Variants in ST8SIA5 observed in about 807,000 individuals in gnomAD.
ST8SIA5 encodes alpha-2,8-sialyltransferase 8E.
In ST8SIA5, 24 loss-of-function variants were observed where a neutral mutation model predicts 40.2. The observed-to-expected ratio is 0.60, with a 90% confidence interval of 0.43 to 0.84. The LOEUF is 0.84. Ranked by LOEUF, ST8SIA5 falls within the 40% of genes least tolerant of loss-of-function variation. The pLI, the probability that ST8SIA5 is intolerant of heterozygous loss-of-function variation, is 0.00. For synonymous variants in ST8SIA5, 198 were observed against 201.8 expected, an observed-to-expected ratio of 0.98 and a Z score of 0.16; for missense variants, 465 against 498.5, an observed-to-expected ratio of 0.93 and a Z score of 0.64.
chr18:46,748,555 C>A (rs1391296659), intron 1 of ST8SIA5, among the ~76,000 whole-genome samples: 918 of 78,086 alleles, frequency 0.012, 1 homozygote, highest in South Asian at 0.023. Flanking sequence ...AACTTCCTCT[C>A]AAAAAAAAAA....
intron 1 of ST8SIA5, among the ~76,000 whole-genome samples, chr18:46,728,725 A>C (rs9955817): frequency 6.6e-6 from 1 of 152,120 alleles, no homozygotes; most frequent in African/African-American, 2.4e-5. Flanking sequence ...AGGCCCCCCC[A>C]CATGCTCTGG....
chr18:46,745,364 A>G (rs1050490117), intron 1 of ST8SIA5, among the ~76,000 whole-genome samples: 3 of 152,242 alleles, frequency 2.0e-5, no homozygotes, highest in African/African-American at 7.2e-5. Flanking sequence ...AATAGATGCA[A>G]TAAAAAATGA....
intron 1 of ST8SIA5, among the ~76,000 whole-genome samples, chr18:46,704,898 C>T (rs1190761566): frequency 6.6e-6 from 1 of 152,182 alleles, no homozygotes; most frequent in Admixed American, 6.5e-5. Flanking sequence ...TAGGCATTTA[C>T]AGAGGCATAA....
rs2039350957 is a variant in ST8SIA5 at position 46,677,944 on chromosome 18, G to C, written c.*2098C>G. ...TGCTCTGGGCCTGTTTCCTAAAGTG[G>C]AACAAAATGGTCTTTAAGAACCTTC... On this transcript the variant is annotated 3_prime_UTR_variant, in exon 7 of 7. Coordinates refer to ENST00000315087, the MANE Select transcript of ST8SIA5 (RefSeq NM_013305.6). 6.6e-6 allele frequency: 1 copy of C among 152,226 alleles called. No homozygotes were observed. Among genetic ancestry groups the C allele is most frequent in the South Asian group, 2.1e-4 (1 of 4,834 alleles). The allele number at this position is 152,226 out of a possible 1,614,324, so 9.4% of individuals were successfully genotyped here. A position where few individuals can be genotyped will look rare whatever the true frequency, so the allele number is the denominator to read the frequency against.
chr18:46,747,735 G>T (rs1477475949), intron 1 of ST8SIA5, among the ~76,000 whole-genome samples: 1 of 152,160 alleles, frequency 6.6e-6, no homozygotes. Context: ...ATACCCAAAG[G>T]ATTATAAATC....
rs187908801 is a variant in ST8SIA5 at position 46,726,617 on chromosome 18, C to T, written c.132-21953G>A. The stretch of plus-strand genomic sequence containing the variant: ...AGTCTATAATTCCATAATAAAAATA[C>T]ACGTTAAAATAATTTTTAAGGCCAG... On this transcript the variant is annotated intron_variant, in intron 1 of 6. Transcript: ENST00000315087. Among the ~76,000 whole-genome samples, 13 of 137,406 alleles carry T rather than the reference C, an allele frequency of 9.5e-5. No homozygotes were observed. In the East Asian group the frequency reaches 1.5e-3, roughly 16 times the overall value. The allele number at this position is 137,406 out of a possible 152,430, so 90.1% of individuals were successfully genotyped here. A position where few individuals can be genotyped will look rare whatever the true frequency, so the allele number is the denominator to read the frequency against.
rs5824635 is a variant in ST8SIA5, at chr18:46,702,146, C to CAA, written c.224+2424_224+2425dup. Among the ~76,000 whole-genome samples, 413 of 120,468 alleles carry CAA rather than the reference C, an allele frequency of 3.4e-3. 2 individuals carry two copies. Among genetic ancestry groups the CAA allele is most frequent in the African/African-American group, 5.9e-3 (190 of 32,314 alleles). The allele number at this position is 120,468 out of a possible 152,430, so 79.0% of individuals were successfully genotyped here. A position where few individuals can be genotyped will look rare whatever the true frequency, so the allele number is the denominator to read the frequency against. ...TGGGTGACAAAGTGAGACTCCATCTCAAAAAAAAAAAAAAAACAGAAATTA... is the reference window on the plus strand; with the variant it reads ...TGGGTGACAAAGTGAGACTCCATCTCAAAAAAAAAAAAAAAAAACAGAAATTA... On this transcript the variant is annotated intron_variant, in intron 2 of 6. Transcript: ENST00000315087.
At chr18:46,723,706 G>A (rs1284052761) in intron 1 of ST8SIA5, among the ~76,000 whole-genome samples, 1 of 152,020 alleles carries the variant, frequency 6.6e-6, no homozygotes, top group Non-Finnish European at 1.5e-5. Flanking sequence ...CAGGCGGACT[G>A]CCTGAGGCCA....
chr18:46,697,942 C>T (rs1029872702), intron 2 of ST8SIA5, among the ~76,000 whole-genome samples: 1 of 152,182 alleles, frequency 6.6e-6, no homozygotes, highest in Admixed American at 6.5e-5. Context: ...TCTCATGCTT[C>T]TCATGTATCC....
chr18:46,700,145 T>A (rs1277987017), intron 2 of ST8SIA5, among the ~76,000 whole-genome samples: 3 of 152,232 alleles, frequency 2.0e-5, no homozygotes, highest in Non-Finnish European at 4.4e-5. Context: ...TGAGTTTTCA[T>A]AACAAATCAT....
chr18:46,747,578 C>T (rs2040152967), intron 1 of ST8SIA5, among the ~76,000 whole-genome samples: 1 of 152,176 alleles, frequency 6.6e-6, no homozygotes, highest in Admixed American at 6.5e-5. Context: ...ACAACAGATG[C>T]TGGAGAGGAT....
intron 1 of ST8SIA5, among the ~76,000 whole-genome samples, chr18:46,749,806 C>G (rs1277726923): frequency 6.6e-6 from 1 of 152,044 alleles, no homozygotes; most frequent in African/African-American, 2.4e-5. Flanking sequence ...AATCGAATCC[C>G]AAGGCAATGG....
At chr18:46,707,428 C>G (rs1426600848) in intron 1 of ST8SIA5, among the ~76,000 whole-genome samples, 1 of 152,192 alleles carries the variant, frequency 6.6e-6, no homozygotes, top group Non-Finnish European at 1.5e-5. Context: ...GTAGTACCTC[C>G]TCTTCAATCA....
chr18:46,706,736 A>C (rs1012240365), intron 1 of ST8SIA5, among the ~76,000 whole-genome samples: 1 of 152,170 alleles, frequency 6.6e-6, no homozygotes, highest in Non-Finnish European at 1.5e-5. Flanking sequence ...AGTTAGAAGC[A>C]TTTGCATGAG....
rs527431038 is a variant in ST8SIA5, at chr18:46,693,066, C to T, written c.225-811G>A. ...CCTCACTGCTGCCTCCTGACCGGCC[C>T]TGGGGCTGCCCTGCAGGGCATGCCT... is the stretch of plus-strand genomic sequence containing the variant. On this transcript the variant is annotated intron_variant, in intron 2 of 6. Coordinates refer to ENST00000315087, the MANE Select transcript of ST8SIA5 (RefSeq NM_013305.6). 2.9e-3 allele frequency among the ~76,000 whole-genome samples: 444 copies of T among 152,258 alleles called. 2 individuals are homozygous for T. The highest frequency in any genetic ancestry group is 0.01 in the African/African-American group (436 of 41,538).
Position 46,756,501 on chromosome 18 carries a change from T to A in ST8SIA5, c.8A>T (p.Tyr3Phe). 1 of 1,612,390 alleles carries A rather than the reference T, an allele frequency of 6.2e-7. No homozygotes were observed. Among genetic ancestry groups the A allele is most frequent in the Non-Finnish European group, 8.5e-7 (1 of 1,178,934 alleles). Residue 3 changes from tyrosine (Y) to phenylalanine (F), a missense_variant, in exon 1 of 7, where the codon TAC becomes TTC. By Grantham distance (22) the Tyr-to-Phe change is conservative. Transcript: ENST00000315087. Reference protein sequence around the residue: MRYADPSANRDLL... With the variant: MRFADPSANRDLL... ...ATCCCGGTTGGCCGAGGGGTCCGCG[T>A]AGCGCATCCTGGCTACCGGGCGCCG...
At chr18:46,696,079 A>G (rs1224662832) in intron 2 of ST8SIA5, among the ~76,000 whole-genome samples, 2 of 152,232 alleles carry the variant, frequency 1.3e-5, no homozygotes, top group African/African-American at 4.8e-5. Flanking sequence ...AGAACCTTGC[A>G]CAGAGACCTG....
At chr18:46,710,871 G>T (rs1022395948) in intron 1 of ST8SIA5, among the ~76,000 whole-genome samples, 2 of 152,116 alleles carry the variant, frequency 1.3e-5, no homozygotes, top group Admixed American at 6.5e-5. Context: ...CATGCATTCA[G>T]CTTTCTATCT....
At chr18:46,747,613 A>G (rs2040153279) in intron 1 of ST8SIA5, among the ~76,000 whole-genome samples, 1 of 152,210 alleles carries the variant, frequency 6.6e-6, no homozygotes, top group South Asian at 2.1e-4. Flanking sequence ...ACACTTTTAC[A>G]CTGTTGGTGG....
Sources: allele counts gnomAD v4.1 joint callset (sites outside exome capture counted in the v4.1 genomes callset), GRCh38; gene constraint gnomAD v4.1.1; transcripts MANE v1.5; gene names NCBI Gene and HGNC (gene_info 2026-07-23, HGNC 2026-07-21).